TMEM131: variants seen among roughly 807,000 people sequenced by gnomAD.
The protein encoded by TMEM131 is transmembrane protein 131, also known as 2610524E03Rik.
In TMEM131, 66 loss-of-function variants were observed where a neutral mutation model predicts 211.6. That is an observed-to-expected ratio of 0.31 (90% CI 0.26 to 0.38). The LOEUF is 0.38. TMEM131 is among the 10% of genes least tolerant of loss of function. TMEM131 has a pLI of 1.00. For synonymous variants in TMEM131, 844 were observed against 841.3 expected, an observed-to-expected ratio of 1.00 and a Z score of -0.06; for missense variants, 2,036 against 2,299.3, an observed-to-expected ratio of 0.89 and a Z score of 2.34.
intron 31 of TMEM131, among the ~76,000 whole-genome samples, chr2:97,782,738 A>G (rs917542915): frequency 6.6e-6 from 1 of 152,194 alleles, no homozygotes; most frequent in African/African-American, 2.4e-5. Context: ...AGAACAGAGG[A>G]GACAGGAAAT....
At chr2:97,934,698 G>C (rs1223452549) in intron 1 of TMEM131, among the ~76,000 whole-genome samples, 1 of 152,140 alleles carries the variant, frequency 6.6e-6, no homozygotes, top group Non-Finnish European at 1.5e-5. Context: ...AGAACACCTA[G>C]AAACAGAACC....
chr2:97,810,384 T>C (rs1167741165), intron 18 of TMEM131, among the ~76,000 whole-genome samples: 1 of 152,202 alleles, frequency 6.6e-6, no homozygotes, highest in Non-Finnish European at 1.5e-5. Flanking sequence ...GTGATAACCA[T>C]GAATTCCTCA....
intron 11 of TMEM131, among the ~76,000 whole-genome samples, chr2:97,820,428 T>TGGA (rs1245189055): frequency 6.6e-6 from 1 of 152,194 alleles, no homozygotes; most frequent in African/African-American, 2.4e-5. Context: ...TAATACTTTT[T>TGGA]CCAAAGAGAG....
intron 1 of TMEM131, among the ~76,000 whole-genome samples, chr2:97,991,677 C>T (rs912839960): frequency 6.6e-5 from 10 of 152,236 alleles, no homozygotes; most frequent in Admixed American, 5.9e-4. Flanking sequence ...CCAGATGCTG[C>T]TTACAAGAGA....
intron 5 of TMEM131, among the ~76,000 whole-genome samples, chr2:97,858,789 C>T (rs548122838): frequency 6.6e-6 from 1 of 152,330 alleles, no homozygotes; most frequent in East Asian, 1.9e-4. Context: ...TTCAGTTCTA[C>T]AACCACAAGG....
chr2:97,917,941 T>TTC (rs975106783), intron 2 of TMEM131, among the ~76,000 whole-genome samples: 5 of 151,406 alleles, frequency 3.3e-5, no homozygotes, highest in African/African-American at 1.2e-4. Flanking sequence ...ATTGGTTTTT[T>TTC]TCTCTCTTTT....
intron 6 of TMEM131, among the ~76,000 whole-genome samples, chr2:97,843,142 C>A (rs527307769): frequency 6.6e-6 from 1 of 151,460 alleles, no homozygotes; most frequent in South Asian, 2.1e-4. Flanking sequence ...GGCAGCACAG[C>A]ACAGTGGTAA....
intron 3 of TMEM131, among the ~76,000 whole-genome samples, chr2:97,906,019 T>G (rs1466402436): frequency 6.6e-6 from 1 of 152,226 alleles, no homozygotes; most frequent in Non-Finnish European, 1.5e-5. Context: ...AAGAAAGCTG[T>G]GCTTTTGAAG....
At chr2:97,822,603 G>A (rs1233853130) in intron 11 of TMEM131, among the ~76,000 whole-genome samples, 2 of 152,126 alleles carry the variant, frequency 1.3e-5, no homozygotes, top group Non-Finnish European at 2.9e-5. Context: ...GGTATAGGAG[G>A]ACAGGCAAGG....
intron 1 of TMEM131, among the ~76,000 whole-genome samples, chr2:97,955,737 C>G (rs924213101): frequency 6.6e-6 from 1 of 151,934 alleles, no homozygotes; most frequent in African/African-American, 2.4e-5. Context: ...AAAAACAAAA[C>G]ACCATTTACA....
intron 1 of TMEM131, among the ~76,000 whole-genome samples, chr2:97,938,764 CCA>C (rs1677570587): frequency 6.6e-6 from 1 of 152,134 alleles, no homozygotes; most frequent in African/African-American, 2.4e-5. Flanking sequence ...CCAAAATTGA[CCA>C]CATAGTTGGA....
chr2:97,861,340 A>G (rs1559407651), intron 4 of TMEM131, among the ~76,000 whole-genome samples: 1 of 151,866 alleles, frequency 6.6e-6, no homozygotes, highest in East Asian at 2.0e-4. Flanking sequence ...AACCCCAGGC[A>G]GCACAGCTCA....
At position 97,759,747 on chromosome 2, in the gene TMEM131, G is replaced by A. The variant is rs747733812; in HGVS notation, c.5111C>T (p.Ser1704Leu). 2 of 1,611,404 alleles carry A rather than the reference G, an allele frequency of 1.2e-6. No individual in the cohort carries two copies. The highest frequency in any genetic ancestry group is 8.5e-7 in the Non-Finnish European group (1 of 1,178,624). Residue 1704 changes from serine to leucine, a missense_variant and splice_region_variant, in exon 39 of 41, where the codon TCG becomes TTG. Around this residue, in one of 3 missense-constraint regions of TMEM131, gnomAD observed 1,623 missense variants for 1,805.9 expected, o/e 0.90. Coordinates refer to ENST00000186436, the MANE Select transcript of TMEM131 (RefSeq NM_015348.2). The stretch of plus-strand genomic sequence containing the variant: ...GTTGCTGACGGGACTCCACAAACCC[G>A]AGCTAAATGTTACAAGAGGAAAACG... ...APVDSDGSDS[S>L]GLWSPVSNPS... is the part of the protein sequence containing the mutation.
At chr2:97,908,082 T>C (rs72942885) in intron 3 of TMEM131, among the ~76,000 whole-genome samples, 3,758 of 152,224 alleles carry the variant, frequency 0.025, 166 homozygotes, top group African/African-American at 0.087. Flanking sequence ...ATCAGCACAG[T>C]ATGTCTCTTT....
chr2:97,788,142 C>A (rs1271252145), intron 31 of TMEM131, among the ~76,000 whole-genome samples: 1 of 152,196 alleles, frequency 6.6e-6, no homozygotes, highest in African/African-American at 2.4e-5. Context: ...AACTCCAGCA[C>A]TGTCCTACTC....
chr2:97,976,923 T>A (rs1183734568), intron 1 of TMEM131, among the ~76,000 whole-genome samples: 2 of 150,954 alleles, frequency 1.3e-5, no homozygotes, highest in African/African-American at 4.9e-5. Flanking sequence ...TTTAATTGAC[T>A]TTTTAATAGA....
intron 11 of TMEM131, among the ~76,000 whole-genome samples, chr2:97,821,924 A>G (rs1204156403): frequency 6.6e-6 from 1 of 152,184 alleles, no homozygotes; most frequent in Non-Finnish European, 1.5e-5. Flanking sequence ...GAGGGTCAAC[A>G]GAGAGGAAAG....
chr2:97,762,255 C>A, intron 35 of TMEM131, 55 bp from the exon 36 acceptor site: 1 of 1,556,472 alleles, frequency 6.4e-7, no homozygotes, highest in Non-Finnish European at 8.8e-7. Flanking sequence ...TAGCGCTCTT[C>A]CAAATCACTT....
intron 36 of TMEM131, 128 bp downstream of exon 36, chr2:97,761,907 A>G: frequency 1.8e-6 from 2 of 1,118,488 alleles, no homozygotes; most frequent in Non-Finnish European, 1.2e-6. Flanking sequence ...GGTCCACACA[A>G]GCTGGCAGCC....
Sources: gnomAD v4.1 joint callset for allele counts (sites outside exome capture counted in the v4.1 genomes callset) on GRCh38, gnomAD v4.1.1 for gene constraint, gnomAD v4.1.1 regional missense constraint, MANE v1.5 for transcripts, NCBI Gene and HGNC (gene_info 2026-07-23, HGNC 2026-07-21) for gene names.